The following TNPO3 variants were observed in gnomAD, a reference collection of about 807,000 sequenced individuals.
TNPO3 encodes transportin 3, also known as transportin-3.
A neutral mutation model predicts 122.8 loss-of-function variants in TNPO3; 65 were observed. That is an observed-to-expected ratio of 0.53 (90% confidence interval 0.43 to 0.65). The LOEUF is 0.65. TNPO3 is among the 30% of genes least tolerant of loss of function. TNPO3 has a pLI of 0.00. For missense variants in TNPO3, 850 were observed against 1,136.7 expected (o/e 0.75, Z 3.63); for synonymous variants, 372 against 411.2 (o/e 0.90, Z 1.15).
At chr7:128,983,592 A>G (rs550308543) in intron 13 of TNPO3, among the ~76,000 whole-genome samples, 2 of 152,316 alleles carry the variant, frequency 1.3e-5, no homozygotes, top group East Asian at 3.9e-4. Flanking sequence ...CAATCTTATT[A>G]AACTGTCAGA....
In TNPO3 at chr7:129,004,920, T is replaced by C. The variant is rs1802402731; in HGVS notation, c.696+96A>G. 4.9e-6 allele frequency: 6 copies of C among 1,214,912 alleles called. No individual in the cohort carries two copies. The Admixed American group carries it at 9.3e-5, about 19-fold the overall frequency. The allele number at this position is 1,214,912 out of a possible 1,614,324, so 75.3% of individuals were successfully genotyped here. A position where few individuals can be genotyped will look rare whatever the true frequency, so the allele number is the denominator to read the frequency against. ...GCATTCTTAATACACGCCTTCCAGT[T>C]ACTGTGCAAAAATTTAAAAACGTTT... is the stretch of plus-strand genomic sequence containing the variant. On this transcript the variant is annotated intron_variant, in intron 5 of 22. Coordinates refer to ENST00000265388, the MANE Select transcript of TNPO3 (RefSeq NM_012470.4).
chr7:128,997,746 G>A (rs1312800867), intron 7 of TNPO3, among the ~76,000 whole-genome samples: 1 of 152,142 alleles, frequency 6.6e-6, no homozygotes, highest in Non-Finnish European at 1.5e-5. Context: ...TAGAATGACT[G>A]GCTTTACATT....
At chr7:129,010,319 C>T (rs1480164759) in intron 4 of TNPO3, among the ~76,000 whole-genome samples, 2 of 152,084 alleles carry the variant, frequency 1.3e-5, no homozygotes, top group African/African-American at 4.8e-5. Context: ...AGGTGCATGC[C>T]AACATGCTTG....
rs746719512 is a variant in TNPO3, at chr7:129,001,246, G to T, written c.697-12C>A. ...GTCTTATCCTGTTGCTGGGGAGGTA[G>T]CAGGAATAGGGAAGCAAGAAGTATG... On this transcript the variant is annotated splice_polypyrimidine_tract_variant and intron_variant, in intron 5 of 22. Transcript: ENST00000265388. The T allele has an allele frequency of 2.5e-6, 4 of 1,591,490 alleles. No individual in the cohort carries two copies. The highest frequency in any genetic ancestry group is 3.4e-6 in the Non-Finnish European group (4 of 1,162,698).
chr7:129,032,061 C>CATATGAAA (rs1217858700), intron 1 of TNPO3, among the ~76,000 whole-genome samples: 1 of 134,920 alleles, frequency 7.4e-6, no homozygotes, highest in Non-Finnish European at 1.6e-5. Context: ...GGTGGCTCAA[C>CATATGAAA]ATATGAAAAT....
chr7:129,026,151 C>T (rs941926644), intron 1 of TNPO3, among the ~76,000 whole-genome samples: 1 of 149,448 alleles, frequency 6.7e-6, no homozygotes, highest in African/African-American at 2.5e-5. Flanking sequence ...AAAAATTGTG[C>T]AGAAACTAAA....
intron 8 of TNPO3, 33 bp downstream of exon 8, chr7:128,997,356 T>C: frequency 3.1e-6 from 5 of 1,607,116 alleles, no homozygotes; most frequent in Non-Finnish European, 4.2e-6. Context: ...GAGGAAGAAA[T>C]TAAGATTTGA....
chr7:128,956,540 C>T (rs1051814158), intron 22 of TNPO3, among the ~76,000 whole-genome samples: 1 of 152,158 alleles, frequency 6.6e-6, no homozygotes, highest in Admixed American at 6.5e-5. Context: ...ACTTTTTGAA[C>T]GCTGATATGA....
chr7:129,004,127 CAG>C (rs1193421655), intron 5 of TNPO3, among the ~76,000 whole-genome samples: 2 of 152,184 alleles, frequency 1.3e-5, no homozygotes, highest in African/African-American at 4.8e-5. Context: ...AAAAATGACA[CAG>C]AAATACACAC....
intron 1 of TNPO3, among the ~76,000 whole-genome samples, chr7:129,034,822 G>A (rs574971572): frequency 6.7e-6 from 1 of 148,746 alleles, no homozygotes; most frequent in East Asian, 2.0e-4. Context: ...GTGAACCCGG[G>A]AGGCAGAGCT....
chr7:128,988,010 G>A (rs970132209), intron 11 of TNPO3, among the ~76,000 whole-genome samples: 37 of 152,098 alleles, frequency 2.4e-4, no homozygotes, highest in African/African-American at 8.7e-4. Context: ...GTCTCGCTCA[G>A]TCACCCAGGC....
intron 18 of TNPO3, among the ~76,000 whole-genome samples, chr7:128,973,485 C>T (rs111299058): frequency 0.054 from 8,218 of 151,332 alleles, 762 homozygotes; most frequent in African/African-American, 0.19. Flanking sequence ...GCCTGTAATC[C>T]CAGCACTTTG....
At chr7:128,961,051 G>A (rs1395408186) in intron 21 of TNPO3, among the ~76,000 whole-genome samples, 4 of 152,020 alleles carry the variant, frequency 2.6e-5, no homozygotes, top group Admixed American at 2.0e-4. Context: ...ATGAGCCACC[G>A]CGCCTGGCCA....
chr7:128,978,878 T>C (rs1799345397), intron 16 of TNPO3, 105 bp downstream of exon 16: 1 of 1,369,008 alleles, frequency 7.3e-7, no homozygotes, highest in Non-Finnish European at 9.9e-7. Flanking sequence ...GTGGTCCACC[T>C]GCATAGGCCT....
At chr7:128,990,212 C>G (rs113597821) in intron 10 of TNPO3, 112 bp from the exon 11 acceptor site, 29 of 1,173,018 alleles carry the variant, frequency 2.5e-5, no homozygotes, top group African/African-American at 1.5e-4. Context: ...TCTAAACAAC[C>G]ATTAAGATAA....
intron 8 of TNPO3, 110 bp from the exon 9 acceptor site, chr7:128,994,024 CA>C (rs1801033193): frequency 3.2e-6 from 3 of 942,426 alleles, no homozygotes; most frequent in Admixed American, 2.7e-5. Flanking sequence ...TTTCAATGAA[CA>C]AAAGTTGCCT....
At chr7:129,056,141 T>C, upstream of TNPO3, 1 of 997,116 alleles carries the variant, frequency 1.0e-6, no homozygotes, top group South Asian at 1.3e-5. Flanking sequence ...CCAAGGTGAT[T>C]TGTGCTCTCG....
At chr7:129,049,903 A>C (rs1284795010) in intron 1 of TNPO3, among the ~76,000 whole-genome samples, 1 of 152,174 alleles carries the variant, frequency 6.6e-6, no homozygotes, top group Non-Finnish European at 1.5e-5. Context: ...GGTACATCTG[A>C]AGGCAGATGC....
At chr7:129,036,962 T>G in intron 1 of TNPO3, among the ~76,000 whole-genome samples, 1 of 151,704 alleles carries the variant, frequency 6.6e-6, no homozygotes, top group East Asian at 1.9e-4. Flanking sequence ...AAAAAAAGGA[T>G]AGAAGGTAAA....
Sources: gnomAD v4.1 joint callset for allele counts (sites outside exome capture counted in the v4.1 genomes callset) on GRCh38, gnomAD v4.1.1 for gene constraint, MANE v1.5 for transcripts, NCBI Gene and HGNC (gene_info 2026-07-23, HGNC 2026-07-21) for gene names.